The following AKAP12 variants were observed in gnomAD, a reference collection of about 807,000 sequenced individuals.
AKAP12 encodes the protein A-kinase anchor protein 12.
In AKAP12, 32 loss-of-function variants were observed where a neutral mutation model predicts 79.9. That is an observed-to-expected ratio of 0.40 (90% CI 0.30 to 0.54). The LOEUF (loss-of-function observed/expected upper bound fraction) is 0.54. Ranked by LOEUF, AKAP12 falls within the 20% of genes least tolerant of loss-of-function variation. AKAP12 has a pLI of 0.48. For synonymous variants in AKAP12, 808 were observed against 857.0 expected, an observed-to-expected ratio of 0.94 and a Z score of 1.00; for missense variants, 2,074 against 2,177.0, an observed-to-expected ratio of 0.95 and a Z score of 0.94.
intron 3 of AKAP12, chr6:151,325,629 G>C: frequency 7.2e-7 from 1 of 1,381,150 alleles, no homozygotes; most frequent in Non-Finnish European, 9.4e-7. Context: ...GTGGGGGCGT[G>C]GGTGGGGGTC....
chr6:151,319,755 C>G (rs1249821477), intron 3 of AKAP12: 5 of 157,328 alleles, frequency 3.2e-5, no homozygotes, highest in South Asian at 4.2e-4. Context: ...GCGTCCCTCC[C>G]GAAGCTGCAC....
intron 2 of AKAP12, among the ~76,000 whole-genome samples, chr6:151,273,203 C>T (rs868633087): frequency 6.6e-6 from 1 of 152,240 alleles, no homozygotes; most frequent in Middle Eastern, 3.4e-3. Context: ...CACCGCGCCC[C>T]GCCCAGGCTG....
At chr6:151,355,503 A>T (rs1778418913) in intron 4 of AKAP12, among the ~76,000 whole-genome samples, 1 of 150,384 alleles carries the variant, frequency 6.6e-6, no homozygotes, top group South Asian at 2.1e-4. Context: ...GGGTTTCAAC[A>T]TGTTGGCCAG....
chr6:151,351,258 A>G lies in AKAP12; in HGVS notation c.2867A>G (p.Glu956Gly). The G allele has an allele frequency of 5.6e-6, 9 of 1,614,264 alleles. No homozygotes were observed. Among genetic ancestry groups the G allele is most frequent in the Non-Finnish European group, 7.6e-6 (9 of 1,180,056 alleles). ...CCCACGGTTACTGAACCTCTGCCAG[A>G]GAACAGAGAGGCCCGGGGCGACACG... ...EPPTVTEPLP[E>G]NREARGDTVV... Residue 956 changes from glutamate to glycine, a missense_variant, in exon 4 of 5, where the codon GAG becomes GGG. Physicochemically the swap from Glu to Gly is moderately conservative, Grantham distance 98 (BLOSUM62 -2). Around this residue, in one of 3 missense-constraint regions of AKAP12, gnomAD observed 1,428 missense variants for 1,451.0 expected, o/e 0.98. Coordinates refer to ENST00000402676, the MANE Select transcript of AKAP12 (RefSeq NM_005100.4). This position sits in a 1 kb window ranked among gnomAD's most constrained non-coding sequence, Gnocchi z 4.4.
rs140590579 is a variant in AKAP12 at position 151,347,088 on chromosome 6, G to A, written c.320-1623G>A. 2.6e-5 allele frequency among the ~76,000 whole-genome samples: 4 copies of A among 152,230 alleles called. No homozygotes were observed. The East Asian group carries it at 5.8e-4, about 22-fold the overall frequency. ...ACACATTGCACATGAACACCCAATCGTCACTCTCATAAAATACAAAGGATC... is the reference window on the plus strand; with the variant it reads ...ACACATTGCACATGAACACCCAATCATCACTCTCATAAAATACAAAGGATC... On this transcript the variant is annotated intron_variant, in intron 3 of 4. Coordinates refer to ENST00000402676, the MANE Select transcript of AKAP12 (RefSeq NM_005100.4).
At chr6:151,312,518 A>G (rs561088771) in intron 3 of AKAP12, among the ~76,000 whole-genome samples, 56 of 145,638 alleles carry the variant, frequency 3.8e-4, no homozygotes, top group Middle Eastern at 3.9e-3. Flanking sequence ...ACGGCCGGGC[A>G]CGGTGGCTCA....
chr6:151,339,213 A>G (rs941229493), intron 3 of AKAP12, among the ~76,000 whole-genome samples: 2 of 152,240 alleles, frequency 1.3e-5, no homozygotes, highest in Non-Finnish European at 2.9e-5. Context: ...GGCGCTTATG[A>G]ACTATAAAAA....
At chr6:151,242,969 A>G (rs955994008) in intron 2 of AKAP12, among the ~76,000 whole-genome samples, 5 of 152,186 alleles carry the variant, frequency 3.3e-5, no homozygotes, top group African/African-American at 1.2e-4. Context: ...TTAACCCTTG[A>G]TCATTTCATT....
At chr6:151,288,700 A>G (rs887267229) in intron 2 of AKAP12, among the ~76,000 whole-genome samples, 2 of 151,982 alleles carry the variant, frequency 1.3e-5, no homozygotes, top group Non-Finnish European at 2.9e-5. Flanking sequence ...CTCCCACCCT[A>G]CCCCCGTTCA....
intron 2 of AKAP12, among the ~76,000 whole-genome samples, chr6:151,301,935 A>T (rs1776870241): frequency 6.6e-6 from 1 of 152,114 alleles, no homozygotes; most frequent in Non-Finnish European, 1.5e-5. Context: ...AAGGATGTGT[A>T]GCATTTGACC....
At chr6:151,347,776 C>T (rs894795217) in intron 3 of AKAP12, among the ~76,000 whole-genome samples, 2 of 152,192 alleles carry the variant, frequency 1.3e-5, no homozygotes, top group African/African-American at 2.4e-5. Context: ...GTGGCTCACG[C>T]CTGTAATCCC....
Position 151,352,246 on chromosome 6 carries a change from G to A in AKAP12, c.3855G>A (p.Glu1285=). The A allele has an allele frequency of 6.2e-7, 1 of 1,614,152 alleles. No homozygotes were observed. Among genetic ancestry groups the A allele is most frequent in the Non-Finnish European group, 8.5e-7 (1 of 1,180,032 alleles). The change falls in exon 4 of 5, where the codon GAG becomes GAA. Residue 1285 remains glutamate, a synonymous_variant. Transcript: ENST00000402676. ...ACGTACCATTTTTCGAAGGACTTGAGGGGTCTATAGACACAGGCATAACAG... is the reference window on the plus strand; with the variant it reads ...ACGTACCATTTTTCGAAGGACTTGAAGGGTCTATAGACACAGGCATAACAG... ...TKDVPFFEGL[E]GSIDTGITVS...
chr6:151,300,614 C>T (rs921666752), intron 2 of AKAP12, among the ~76,000 whole-genome samples: 2 of 152,126 alleles, frequency 1.3e-5, no homozygotes, highest in African/African-American at 4.8e-5. Context: ...GAGAAGTCTC[C>T]TAGTTTTTCT....
chr6:151,249,824 A>C (rs896258653), intron 2 of AKAP12, among the ~76,000 whole-genome samples: 2 of 152,228 alleles, frequency 1.3e-5, no homozygotes, highest in African/African-American at 2.4e-5. Context: ...ACATCTGATC[A>C]ATTATAATAG....
intron 2 of AKAP12, among the ~76,000 whole-genome samples, chr6:151,278,721 G>A (rs375700639): frequency 2.0e-5 from 3 of 150,674 alleles, no homozygotes; most frequent in South Asian, 2.1e-4. Flanking sequence ...AGGCTGGAGT[G>A]CAGTGGCGCG....
chr6:151,252,967 T>A (rs796722159), intron 2 of AKAP12, among the ~76,000 whole-genome samples: 2 of 152,188 alleles, frequency 1.3e-5, no homozygotes, highest in Admixed American at 1.3e-4. Flanking sequence ...ACATTTTCGC[T>A]TTGTAATTTT....
intron 2 of AKAP12, among the ~76,000 whole-genome samples, chr6:151,300,733 T>A (rs1776848564): frequency 6.6e-6 from 1 of 151,996 alleles, no homozygotes; most frequent in Non-Finnish European, 1.5e-5. Context: ...TTTTTTTTTT[T>A]AACAGCTTGT....
intron 2 of AKAP12, among the ~76,000 whole-genome samples, chr6:151,268,896 G>A (rs1030451311): frequency 8.2e-5 from 12 of 146,872 alleles, no homozygotes; most frequent in Non-Finnish European, 1.5e-4. Context: ...CACCCGCCTT[G>A]GCTTCCCAAA....
chr6:151,346,423 TG>T (rs560677481), intron 3 of AKAP12, among the ~76,000 whole-genome samples: 283 of 152,360 alleles, frequency 1.9e-3, no homozygotes, highest in African/African-American at 6.6e-3. Context: ...GTGTTTCTGC[TG>T]GATTTTCATC....
Sources: allele counts gnomAD v4.1 joint callset (sites outside exome capture counted in the v4.1 genomes callset), GRCh38; gene constraint gnomAD v4.1.1; regional missense constraint gnomAD v4.1.1; non-coding constraint Gnocchi (gnomAD v3.1); transcripts MANE v1.5; gene names NCBI Gene and HGNC (gene_info 2026-07-23, HGNC 2026-07-21).